Variants in NREP observed in about 807,000 individuals in gnomAD.
The protein encoded by NREP is neuronal regeneration related protein.
In NREP, 5 loss-of-function variants were observed where a neutral mutation model predicts 8.6. The observed-to-expected ratio is 0.58, with a 90% CI of 0.30 to 1.22. The LOEUF is 1.22. Among genes scored for constraint, NREP ranks in the 50% most tolerant of loss-of-function variants. The pLI, the probability that NREP is intolerant of heterozygous loss-of-function variation, is 0.07. For missense variants in NREP, 86 were observed against 82.5 expected (o/e 1.04, Z -0.17); for synonymous variants, 27 against 28.0 (o/e 0.96, Z 0.11).
At chr5:111,932,520 T>C (rs1019611461) in intron 2 of NREP, among the ~76,000 whole-genome samples, 1 of 152,128 alleles carries the variant, frequency 6.6e-6, no homozygotes, top group Non-Finnish European at 1.5e-5. Context: ...AGGACTCATA[T>C]ACATTTATTC....
chr5:111,901,197 A>T (rs1754638235), intron 2 of NREP, among the ~76,000 whole-genome samples: 1 of 152,196 alleles, frequency 6.6e-6, no homozygotes, highest in Non-Finnish European at 1.5e-5. Flanking sequence ...TATCACATTT[A>T]TTGGTTTGCA....
chr5:111,924,481 A>G (rs2112586097), intron 2 of NREP, among the ~76,000 whole-genome samples: 2 of 151,964 alleles, frequency 1.3e-5, no homozygotes, highest in East Asian at 3.9e-4. Context: ...GGCATCCTTT[A>G]GGTCTAGCAC....
chr5:111,757,398 G>A, upstream of NREP: 2 of 972,094 alleles, frequency 2.1e-6, no homozygotes, highest in Non-Finnish European at 2.4e-6. Flanking sequence ...CTCTCCAAGA[G>A]TGTGTGTGTC....
At chr5:111,881,177 C>A (rs1273782583) in intron 2 of NREP, among the ~76,000 whole-genome samples, 28 of 152,222 alleles carry the variant, frequency 1.8e-4, no homozygotes, top group African/African-American at 6.8e-4. Flanking sequence ...AGATTATATC[C>A]CACACCTGGC....
At chr5:111,865,047 G>A (rs1753634240) in intron 2 of NREP, among the ~76,000 whole-genome samples, 1 of 152,082 alleles carries the variant, frequency 6.6e-6, no homozygotes, top group African/African-American at 2.4e-5. Context: ...AGTTTTAAAA[G>A]ACAAGTTAGT....
intron 2 of NREP, among the ~76,000 whole-genome samples, chr5:111,884,112 A>G (rs1487355115): frequency 6.6e-6 from 1 of 152,210 alleles, no homozygotes; most frequent in Non-Finnish European, 1.5e-5. Context: ...GAAGAATCAA[A>G]TAGATGCAAT....
rs190207938 is a variant in NREP, at chr5:111,883,680, C to T, written c.135+91594G>A. 1.3e-3 allele frequency among the ~76,000 whole-genome samples: 198 copies of T among 152,208 alleles called. 1 individual carries two copies. The highest frequency in any genetic ancestry group is 4.6e-3 in the African/African-American group (192 of 41,538). On this transcript the variant is annotated intron_variant, in intron 2 of 3. Transcript: ENST00000395634. ...CAGGATTAAGACACTCACTCAAAAC[C>T]GCTCAACTACATGGAAACTGAACAA...
At chr5:111,913,933 A>G (rs529481099) in intron 2 of NREP, among the ~76,000 whole-genome samples, 1 of 152,272 alleles carries the variant, frequency 6.6e-6, no homozygotes, top group Admixed American at 6.5e-5. Flanking sequence ...AACTAAAAGC[A>G]TGCCAAGCTT....
intron 2 of NREP, among the ~76,000 whole-genome samples, chr5:111,821,553 A>G (rs555852402): frequency 1.1e-3 from 175 of 152,364 alleles, no homozygotes; most frequent in Non-Finnish European, 1.9e-3. Flanking sequence ...AAGGAAAAAT[A>G]TTTAGAACCA....
intron 2 of NREP, among the ~76,000 whole-genome samples, chr5:111,839,968 G>T: frequency 6.6e-6 from 1 of 151,978 alleles, no homozygotes; most frequent in East Asian, 1.9e-4. Flanking sequence ...TCCCATCAAC[G>T]CATCCAAATT....
At chr5:111,841,683 A>C (rs1426640910) in intron 2 of NREP, among the ~76,000 whole-genome samples, 1 of 152,024 alleles carries the variant, frequency 6.6e-6, no homozygotes. Context: ...AATTATATGT[A>C]GGGGTTTGTT....
intron 2 of NREP, among the ~76,000 whole-genome samples, chr5:111,794,542 C>T (rs78169467): frequency 1.3e-5 from 2 of 152,210 alleles, no homozygotes; most frequent in African/African-American, 4.8e-5. Flanking sequence ...AGGAAACTTG[C>T]ATGCATATTA....
intron 2 of NREP, among the ~76,000 whole-genome samples, chr5:111,832,733 C>T (rs962912675): frequency 7.2e-5 from 11 of 152,224 alleles, no homozygotes; most frequent in Non-Finnish European, 1.3e-4. Flanking sequence ...AAGGTCTCAG[C>T]TGCTACGCTT....
chr5:111,845,227 G>A (rs974675305), intron 2 of NREP, among the ~76,000 whole-genome samples: 1 of 151,702 alleles, frequency 6.6e-6, no homozygotes, highest in African/African-American at 2.4e-5. Context: ...GGCTTGGGGT[G>A]GAATAACAAA....
At chr5:111,800,692 G>A (rs997763121) in intron 2 of NREP, among the ~76,000 whole-genome samples, 1 of 152,170 alleles carries the variant, frequency 6.6e-6, no homozygotes, top group Non-Finnish European at 1.5e-5. Context: ...TCCCTATCCA[G>A]AAAATCTCTC....
intron 2 of NREP, among the ~76,000 whole-genome samples, chr5:111,946,181 G>T (rs866971805): frequency 3.3e-5 from 5 of 151,298 alleles, no homozygotes; most frequent in African/African-American, 1.2e-4. Flanking sequence ...ATCATCCATT[G>T]GTGAGATTTT....
At chr5:111,908,342 T>C (rs1251828953) in intron 2 of NREP, among the ~76,000 whole-genome samples, 2 of 152,062 alleles carry the variant, frequency 1.3e-5, no homozygotes, top group Admixed American at 6.6e-5. Flanking sequence ...ATAGATATTA[T>C]GTGATGCTGA....
At chr5:111,743,288 T>TTA (rs973547494) in intron 2 of NREP, among the ~76,000 whole-genome samples, 1 of 152,044 alleles carries the variant, frequency 6.6e-6, no homozygotes, top group Non-Finnish European at 1.5e-5. Flanking sequence ...TCAGCCTTTG[T>TTA]TAGCTTGCAG....
At position 111,745,060 on chromosome 5, in the gene NREP, A is replaced by G. The variant is rs377337366; in HGVS notation, c.4-9553T>C. ...CCCACAGTTTTCTGTAGAAATGCAT[A>G]GTACAATCCACTATAATGTTTTGTT... On this transcript the variant is annotated intron_variant, in intron 2 of 3. Coordinates refer to ENST00000257435, the MANE Select transcript of NREP (RefSeq NM_004772.4). Among the ~76,000 whole-genome samples, 3 of 152,260 alleles carry G rather than the reference A, an allele frequency of 2.0e-5. No homozygotes were observed. The East Asian group carries it at 5.8e-4, about 29-fold the overall frequency.
Sources: gnomAD v4.1 joint callset for allele counts (sites outside exome capture counted in the v4.1 genomes callset) on GRCh38, gnomAD v4.1.1 for gene constraint, MANE v1.5 for transcripts, NCBI Gene and HGNC (gene_info 2026-07-23, HGNC 2026-07-21) for gene names.